The following NHLH2 variants were observed in gnomAD, a reference collection of about 807,000 sequenced individuals.
The protein encoded by NHLH2 is nescient helix-loop-helix 2.
NHLH2 carries 7 observed loss-of-function variants against 7.3 expected under a neutral mutation model. The observed-to-expected ratio is 0.96, with a 90% CI of 0.55 to 1.81. The LOEUF (loss-of-function observed/expected upper bound fraction) is 1.81, where lower values mean the gene tolerates loss of function less well. Among genes scored for constraint, NHLH2 ranks in the 40% most tolerant of loss-of-function variants. The pLI, the probability that NHLH2 is intolerant of heterozygous loss-of-function variation, is 0.00. For missense variants in NHLH2, 155 were observed against 194.0 expected, an observed-to-expected ratio of 0.80 and a Z score of 1.19; for synonymous variants, 93 against 91.6, an observed-to-expected ratio of 1.01 and a Z score of -0.09.
intron 2 of NHLH2, chr1:115,839,990 G>A (rs780237240): frequency 1.8e-5 from 3 of 167,022 alleles, no homozygotes; most frequent in Non-Finnish European, 4.4e-5. Flanking sequence ...ATAAATAGAC[G>A]AGTAATGGAA....
downstream of NHLH2, among the ~76,000 whole-genome samples, chr1:115,832,725 C>T (rs139492632): frequency 4.4e-3 from 668 of 152,276 alleles, 5 homozygotes; most frequent in Non-Finnish European, 6.4e-3. Flanking sequence ...TCAGTTAAAA[C>T]GATGTATGTA....
chr1:115,831,681 G>A (rs1161505516), downstream of NHLH2, among the ~76,000 whole-genome samples: 1 of 9,034 alleles, frequency 1.1e-4, no homozygotes, highest in East Asian at 0.17. Context: ...CACTTTGAAA[G>A]GCCTAGGGGG....
At chr1:115,839,149 G>T (rs1650980648) in intron 2 of NHLH2, 1 of 167,196 alleles carries the variant, frequency 6.0e-6, no homozygotes, top group African/African-American at 2.4e-5. Flanking sequence ...CACACACATA[G>T]GGGACCTAGG....
At chr1:115,833,763 T>C (rs913094703), downstream of NHLH2, among the ~76,000 whole-genome samples, 1 of 152,226 alleles carries the variant, frequency 6.6e-6, no homozygotes, top group Non-Finnish European at 1.5e-5. Flanking sequence ...TTTCGACTAC[T>C]AATACTGATA....
downstream of NHLH2, among the ~76,000 whole-genome samples, chr1:115,834,770 T>C (rs1047347120): frequency 2.0e-5 from 3 of 152,226 alleles, no homozygotes; most frequent in Admixed American, 1.3e-4. Flanking sequence ...GTGTACTGCT[T>C]TTCTCCAGTA....
At chr1:115,835,005 CTT>C (rs1408091137), downstream of NHLH2, among the ~76,000 whole-genome samples, 1 of 152,214 alleles carries the variant, frequency 6.6e-6, no homozygotes. Context: ...GCTTGTCTCT[CTT>C]GGAGGGTGCT....
Position 115,840,226 on chromosome 1 carries a change from C to G in NHLH2, c.-19G>C, listed in dbSNP as rs538399971. The G allele has an allele frequency of 1.2e-5, 2 of 167,002 alleles. No homozygotes were observed. The highest frequency in any genetic ancestry group is 4.8e-5 in the African/African-American group (2 of 41,414). 10.3% of individuals were successfully genotyped at this position (167,002 alleles called of 1,614,324 possible). On this transcript the variant is annotated 5_prime_UTR_variant, in exon 2 of 3. Coordinates refer to ENST00000320238, the MANE Select transcript of NHLH2 (RefSeq NM_005599.3). ...TTAAAGGAGTCTTACCTTGCAAAAG[C>G]CTTTTTGATAATCTGTTCTCCAATC... is the stretch of plus-strand genomic sequence containing the variant.
At position 115,837,801 on chromosome 1, in the gene NHLH2, T is replaced by A; in HGVS notation, c.*164A>T. 1.3e-6 allele frequency: 1 copy of A among 760,582 alleles called. No homozygotes were observed. Among genetic ancestry groups the A allele is most frequent in the Non-Finnish European group, 2.0e-6 (1 of 505,564 alleles). 47.1% of individuals were successfully genotyped at this position (760,582 alleles called of 1,614,324 possible). A position where few individuals can be genotyped will look rare whatever the true frequency, so the allele number is the denominator to read the frequency against. ...CGTCGGAAACCTTCCCTCGTCGCCC[T>A]GCTGACCAGAGAGAACAGGTAGCGA... On this transcript the variant is annotated 3_prime_UTR_variant, in exon 3 of 3. Coordinates refer to ENST00000320238, the MANE Select transcript of NHLH2 (RefSeq NM_005599.3).
rs1470788722 is a variant in NHLH2, at chr1:115,837,716, C to T, written c.*249G>A. 1 of 502,890 alleles carries T rather than the reference C, an allele frequency of 2.0e-6. No individual in the cohort carries two copies. The highest frequency in any genetic ancestry group is 2.1e-5 in the African/African-American group (1 of 48,270). The allele number at this position is 502,890 out of a possible 1,614,324, so 31.2% of individuals were successfully genotyped here. ...ATCTCGGGTGTCTCCACGAGGTTCT[C>T]CTGGCCTGGAAAATCCCCCCTGCGA... is the stretch of plus-strand genomic sequence containing the variant. On this transcript the variant is annotated 3_prime_UTR_variant, in exon 3 of 3. Coordinates refer to ENST00000320238, the MANE Select transcript of NHLH2 (RefSeq NM_005599.3).
downstream of NHLH2, among the ~76,000 whole-genome samples, chr1:115,832,150 T>A (rs1027530628): frequency 7.9e-5 from 12 of 152,164 alleles, no homozygotes; most frequent in Non-Finnish European, 1.6e-4. Flanking sequence ...ATTCGTGCTA[T>A]GGGAAAAACC....
chr1:115,838,014 C>G lies in NHLH2; in HGVS notation c.359G>C (p.Arg120Pro), dbSNP rs1557829654. The change falls in exon 3 of 3, where the codon CGC (arginine) becomes CCC (proline). Residue 120 changes from arginine (R) to proline (P), a missense_variant. By Grantham distance (103) the Arg-to-Pro change is moderately radical. Coordinates refer to ENST00000320238, the MANE Select transcript of NHLH2 (RefSeq NM_005599.3). ...ATAGGAGATGTAGCAGATGGCCAGG[C>G]GCAGGATCTCGATCTTGGAGAGCTT... ...DKKLSKIEIL[R>P]LAICYISYLN... 1 of 1,610,404 alleles carries G rather than the reference C, an allele frequency of 6.2e-7. No individual in the cohort carries two copies.
downstream of NHLH2, among the ~76,000 whole-genome samples, chr1:115,834,625 T>C (rs2101193246): frequency 6.6e-6 from 1 of 152,264 alleles, no homozygotes; most frequent in Middle Eastern, 3.4e-3. Flanking sequence ...AGAGAGGCTT[T>C]CTCCAACAGC....
intron 2 of NHLH2, chr1:115,839,719 TC>T (rs1343735309): frequency 6.0e-6 from 1 of 166,608 alleles, no homozygotes; most frequent in African/African-American, 2.4e-5. Flanking sequence ...ACGGGAGAAA[TC>T]CGCGTCGGCG....
rs1650932949 is a variant in NHLH2, at chr1:115,838,154, G to A, written c.219C>T (p.Arg73=). 3.1e-6 allele frequency: 5 copies of A among 1,588,262 alleles called. No homozygotes were observed. The East Asian group carries it at 1.2e-4, about 37-fold the overall frequency. Residue 73 remains arginine, a synonymous_variant, in exon 3 of 3, where the codon CGC becomes CGT. Coordinates refer to ENST00000320238, the MANE Select transcript of NHLH2 (RefSeq NM_005599.3). ...GGGCCGAGCGGTACTTGGCCGTGGC[G>A]CGCCGGCGGCGGCGCTTCTCCTCGC... ...LSREEKRRRR[R]ATAKYRSAHA...
At position 115,838,045 on chromosome 1, in the gene NHLH2, C is replaced by T; in HGVS notation, c.328G>A (p.Asp110Asn). The T allele has an allele frequency of 6.2e-7, 1 of 1,610,012 alleles. No individual in the cohort carries two copies. The highest frequency in any genetic ancestry group is 8.5e-7 in the Non-Finnish European group (1 of 1,178,438). Residue 110 changes from aspartate to asparagine, a missense_variant, in exon 3 of 3, where the codon GAC (aspartate) becomes AAC (asparagine). Physicochemically the swap from Asp to Asn is conservative, Grantham distance 23 (BLOSUM62 1). Transcript: ENST00000320238. Reference protein sequence around the residue: ...LRKLLPTLPPDKKLSKIEILR... With the variant: ...LRKLLPTLPPNKKLSKIEILR... Reference sequence around the variant, plus strand: ...ATCTCGATCTTGGAGAGCTTCTTGTCCGGGGGCAGCGTGGGCAGCAATTTG... The same window carrying T: ...ATCTCGATCTTGGAGAGCTTCTTGTTCGGGGGCAGCGTGGGCAGCAATTTG...
intron 2 of NHLH2, chr1:115,839,538 AG>A: frequency 6.0e-6 from 1 of 166,776 alleles, no homozygotes; most frequent in Non-Finnish European, 1.5e-5. Context: ...GCCTTCTGGG[AG>A]GGGGCCGCTC....
intron 2 of NHLH2, chr1:115,839,808 G>A (rs947517013): frequency 1.2e-5 from 2 of 167,168 alleles, no homozygotes; most frequent in Admixed American, 6.5e-5. Flanking sequence ...ACTTGCAGAG[G>A]AGCGAATTGG....
In NHLH2 at chr1:115,838,517, G is replaced by A. The variant is rs998647041; in HGVS notation, c.-8-137C>T. The A allele has an allele frequency of 9.4e-6, 9 of 956,614 alleles. No individual in the cohort carries two copies. The Admixed American group carries it at 1.6e-4, about 17-fold the overall frequency. 59.3% of individuals were successfully genotyped at this position (956,614 alleles called of 1,614,324 possible). ...CCCTCCCCACAGCAGGCCGGCGCGC[G>A]ACGCGGGAGGGCGCCGATAGGATCT... On this transcript the variant is annotated intron_variant, in intron 2 of 2. Transcript: ENST00000320238.
intron 2 of NHLH2, 191 bp from the exon 3 acceptor site, chr1:115,838,571 C>G: frequency 1.9e-6 from 1 of 538,156 alleles, no homozygotes; most frequent in Non-Finnish European, 3.2e-6. Flanking sequence ...CTGCGCCTCG[C>G]CCTGGCGCGG....
Sources: gnomAD v4.1 joint callset for allele counts (sites outside exome capture counted in the v4.1 genomes callset) on GRCh38, gnomAD v4.1.1 for gene constraint, MANE v1.5 for transcripts, NCBI Gene and HGNC (gene_info 2026-07-23, HGNC 2026-07-21) for gene names.